The following C6orf52 variants were observed in gnomAD, a reference collection of about 807,000 sequenced individuals.
C6orf52 encodes the protein chromosome 6 open reading frame 52.
A neutral mutation model predicts 16.6 loss-of-function variants in C6orf52; 16 were observed. The observed-to-expected ratio is 0.96, with a 90% confidence interval of 0.65 to 1.46. The LOEUF is 1.46. C6orf52 is among the 40% of genes most tolerant of loss of function. C6orf52 has a pLI of 0.00. For missense variants in C6orf52, 166 were observed against 182.3 expected (o/e 0.91, Z 0.52); for synonymous variants, 53 against 61.4 (o/e 0.86, Z 0.64).
At chr6:10,675,693 T>A (rs577147125) in intron 4 of C6orf52, among the ~76,000 whole-genome samples, 1 of 152,358 alleles carries the variant, frequency 6.6e-6, no homozygotes, top group East Asian at 1.9e-4. Flanking sequence ...TTTGTTATCT[T>A]TCGTCTTTTT....
chr6:10,672,892 A>C (rs1002384235), intron 4 of C6orf52, among the ~76,000 whole-genome samples: 3 of 152,212 alleles, frequency 2.0e-5, no homozygotes, highest in African/African-American at 7.2e-5. Flanking sequence ...TAGCCCTAGA[A>C]GACTAATGCA....
intron 1 of C6orf52, 42 bp from the exon 2 acceptor site, chr6:10,687,603 C>T (rs1768970186): frequency 7.9e-7 from 1 of 1,259,562 alleles, no homozygotes; most frequent in Admixed American, 2.0e-5. Context: ...ATTCCTGCGT[C>T]AAAAATCCAG....
intron 1 of C6orf52, among the ~76,000 whole-genome samples, chr6:10,688,774 G>A (rs1159002105): frequency 6.6e-6 from 1 of 152,160 alleles, no homozygotes; most frequent in Non-Finnish European, 1.5e-5. Context: ...GCAAATTCAA[G>A]TTTTACTTTT....
In C6orf52 at chr6:10,679,506, G is replaced by A. The variant is rs142686617; in HGVS notation, c.316+3681C>T. ...CAGTGCTAACAAGTAAGCACATACCGTTTGCGAAAATGGCACAGATACACT... is the reference window on the plus strand; with the variant it reads ...CAGTGCTAACAAGTAAGCACATACCATTTGCGAAAATGGCACAGATACACT... On this transcript the variant is annotated intron_variant, in intron 4 of 4. Coordinates refer to ENST00000259983, the MANE Select transcript of C6orf52 (RefSeq NM_001145020.3). Among the ~76,000 whole-genome samples the A allele has an allele frequency of 2.6e-4, 39 of 148,914 alleles. 1 individual carries two copies. In the Middle Eastern group the frequency reaches 0.014, roughly 53 times the overall value.
chr6:10,678,376 CTT>C (rs1281618384), intron 4 of C6orf52, among the ~76,000 whole-genome samples: 5 of 152,086 alleles, frequency 3.3e-5, no homozygotes, highest in African/African-American at 7.2e-5. Context: ...TAAATTTACT[CTT>C]AAGTTTTTGT....
At chr6:10,678,324 C>G (rs573384774) in intron 4 of C6orf52, among the ~76,000 whole-genome samples, 11 of 151,834 alleles carry the variant, frequency 7.2e-5, no homozygotes, top group African/African-American at 2.7e-4. Context: ...TTTCTTCCAT[C>G]AACACTTTAT....
rs963797355 is a variant in C6orf52 at position 10,693,763 on chromosome 6, T to C, written c.-12+731A>G. ...TTTTTTCTTTGAAAGGGGGCCTGGC[T>C]CGTCCCCCAGACTGGAATGCAGTGG... On this transcript the variant is annotated intron_variant, in intron 1 of 4. Coordinates refer to ENST00000259983, the MANE Select transcript of C6orf52 (RefSeq NM_001145020.3). Among the ~76,000 whole-genome samples the C allele has an allele frequency of 3.9e-5, 6 of 152,270 alleles. No homozygotes were observed. In the East Asian group the frequency reaches 7.7e-4, roughly 20 times the overall value.
chr6:10,691,055 G>A (rs1231334962), intron 1 of C6orf52, among the ~76,000 whole-genome samples: 1 of 152,186 alleles, frequency 6.6e-6, no homozygotes, highest in Non-Finnish European at 1.5e-5. Flanking sequence ...ATAAAAAAGA[G>A]CAGCATTGCT....
intron 4 of C6orf52, chr6:10,674,821 T>G (rs898479880): frequency 6.6e-5 from 10 of 152,454 alleles, no homozygotes; most frequent in African/African-American, 2.2e-4. Flanking sequence ...TTTTTTTTTT[T>G]TTTTTGAGAC....
intron 4 of C6orf52, among the ~76,000 whole-genome samples, chr6:10,680,369 C>T (rs1281906090): frequency 6.6e-6 from 1 of 152,132 alleles, no homozygotes; most frequent in Admixed American, 6.5e-5. Flanking sequence ...GGGATGAATA[C>T]CACTTGTTCA....
At chr6:10,678,943 A>C (rs1768126448) in intron 4 of C6orf52, among the ~76,000 whole-genome samples, 1 of 151,984 alleles carries the variant, frequency 6.6e-6, no homozygotes, top group Admixed American at 6.6e-5. Flanking sequence ...AATACAAAAA[A>C]TTAGCCAGGC....
chr6:10,682,269 T>C lies in C6orf52; in HGVS notation c.316+918A>G, dbSNP rs147672976. On this transcript the variant is annotated intron_variant, in intron 4 of 4. Transcript: ENST00000259983. ...CAATTTTAATAAATTGCATAACTGA[T>C]AAAAGGCAGGAAGAAAGACTCACAC... is the stretch of plus-strand genomic sequence containing the variant. Among the ~76,000 whole-genome samples, 117 of 152,240 alleles carry C rather than the reference T, an allele frequency of 7.7e-4. 1 individual carries two copies. The East Asian group carries it at 0.021, about 27-fold the overall frequency.
chr6:10,688,464 A>G (rs1225395540), intron 1 of C6orf52, among the ~76,000 whole-genome samples: 2 of 152,186 alleles, frequency 1.3e-5, no homozygotes, highest in South Asian at 2.1e-4. Context: ...TGTATTTACT[A>G]TTTACCTGTA....
intron 1 of C6orf52, 33 bp from the exon 2 acceptor site, chr6:10,687,594 T>C (rs1437815973): frequency 6.6e-6 from 9 of 1,367,382 alleles, no homozygotes; most frequent in Non-Finnish European, 9.2e-6. Flanking sequence ...CCAGTTTTTA[T>C]TCCTGCGTCA....
At position 10,694,474 on chromosome 6, in the gene C6orf52, C is replaced by G. The variant is rs1265383984; in HGVS notation, c.-12+20G>C. ...CCGCTGGAACAAGTCACCGCGAACC[C>G]TAATCCCACCCCTCCTTACCCTATT... On this transcript the variant is annotated intron_variant, in intron 1 of 4. Transcript: ENST00000259983. 2 of 155,004 alleles carry G rather than the reference C, an allele frequency of 1.3e-5. No individual in the cohort carries two copies. Among genetic ancestry groups the G allele is most frequent in the African/African-American group, 4.8e-5 (2 of 41,470 alleles). The allele number at this position is 155,004 out of a possible 1,614,324, so 9.6% of individuals were successfully genotyped here.
chr6:10,692,574 G>A (rs1769428965), intron 1 of C6orf52, among the ~76,000 whole-genome samples: 1 of 152,048 alleles, frequency 6.6e-6, no homozygotes, highest in Admixed American at 6.5e-5. Context: ...CCGAGTAGCT[G>A]GGACTATAGG....
chr6:10,692,307 G>A (rs942105330), intron 1 of C6orf52, among the ~76,000 whole-genome samples: 6 of 152,136 alleles, frequency 3.9e-5, no homozygotes, highest in Non-Finnish European at 2.9e-5. Flanking sequence ...ACGTCCAGAG[G>A]ACACTTACTT....
intron 4 of C6orf52, among the ~76,000 whole-genome samples, chr6:10,679,940 C>G (rs1159997780): frequency 6.6e-6 from 1 of 152,162 alleles, no homozygotes; most frequent in African/African-American, 2.4e-5. Flanking sequence ...TGAATTTTGT[C>G]AAATGATTTT....
chr6:10,680,150 A>G (rs1446169224), intron 4 of C6orf52, among the ~76,000 whole-genome samples: 1 of 152,098 alleles, frequency 6.6e-6, no homozygotes, highest in Admixed American at 6.6e-5. Context: ...GCTACTTGGG[A>G]GGCTGAGATG....
Sources: allele counts gnomAD v4.1 joint callset (sites outside exome capture counted in the v4.1 genomes callset), GRCh38; gene constraint gnomAD v4.1.1; transcripts MANE v1.5; gene names NCBI Gene and HGNC (gene_info 2026-07-23, HGNC 2026-07-21).